The following ASCC1 variants were observed in gnomAD, a reference collection of about 807,000 sequenced individuals.
The protein encoded by ASCC1 is activating signal cointegrator 1 complex subunit 1, also known as ASC-1 complex subunit P50.
A neutral mutation model predicts 46.6 loss-of-function variants in ASCC1; 35 were observed. That is an observed-to-expected ratio of 0.75 (90% CI 0.57 to 0.99). The LOEUF is 0.99. Among genes scored for constraint, ASCC1 ranks in the 50% least tolerant of loss-of-function variants. ASCC1 has a pLI of 0.00. For missense variants in ASCC1, 376 were observed against 428.7 expected, an observed-to-expected ratio of 0.88 and a Z score of 1.09; for synonymous variants, 143 against 146.6, an observed-to-expected ratio of 0.98 and a Z score of 0.18.
intron 3 of ASCC1, among the ~76,000 whole-genome samples, chr10:72,207,235 A>C (rs565940751): frequency 6.6e-6 from 1 of 152,164 alleles, no homozygotes; most frequent in Admixed American, 6.6e-5. Context: ...AACATGGCAA[A>C]ACCCCGTCTC....
At chr10:72,211,372 G>C (rs950401463) in intron 2 of ASCC1, among the ~76,000 whole-genome samples, 2 of 152,054 alleles carry the variant, frequency 1.3e-5, no homozygotes, top group African/African-American at 4.8e-5. Flanking sequence ...ACCAACTGCA[G>C]ATTGAAAATA....
At chr10:72,150,102 T>G (rs1848148816) in intron 7 of ASCC1, among the ~76,000 whole-genome samples, 1 of 152,016 alleles carries the variant, frequency 6.6e-6, no homozygotes, top group Non-Finnish European at 1.5e-5. Context: ...GGAGAATTGC[T>G]TGAACCTGGG....
At chr10:72,185,658 G>A (rs1011783543) in intron 5 of ASCC1, among the ~76,000 whole-genome samples, 11 of 152,158 alleles carry the variant, frequency 7.2e-5, no homozygotes, top group African/African-American at 2.7e-4. Flanking sequence ...TAGGAGGTGA[G>A]GGGATGGAGT....
chr10:72,204,961 C>T (rs1349794867), intron 3 of ASCC1, among the ~76,000 whole-genome samples: 1 of 152,162 alleles, frequency 6.6e-6, no homozygotes, highest in Non-Finnish European at 1.5e-5. Context: ...GGCTTCAGCA[C>T]CTTAGAAAGC....
chr10:72,169,087 A>G (rs1388094845), intron 5 of ASCC1, among the ~76,000 whole-genome samples: 2 of 152,268 alleles, frequency 1.3e-5, no homozygotes, highest in African/African-American at 4.8e-5. Flanking sequence ...GAATGGTTGC[A>G]AACTATGTAT....
chr10:72,216,821 C>T (rs773564558), upstream of ASCC1: 10 of 456,024 alleles, frequency 2.2e-5, 1 homozygote, highest in Non-Finnish European at 3.5e-5. Context: ...CCCAACTTAC[C>T]TGACAGGGCC....
Position 72,097,313 on chromosome 10 carries a change from T to C in ASCC1, c.*21A>G, listed in dbSNP as rs200875672. ...GCACCTGGTGAAGATGTTTAGTTTCTAGTGCTTTCCAAGATCCACCTCAGG... is the reference window on the plus strand; with the variant it reads ...GCACCTGGTGAAGATGTTTAGTTTCCAGTGCTTTCCAAGATCCACCTCAGG... On this transcript the variant is annotated 3_prime_UTR_variant, in exon 10 of 10. Coordinates refer to ENST00000672957, the MANE Select transcript of ASCC1 (RefSeq NM_001198800.3). 116 of 1,494,440 alleles carry C rather than the reference T, an allele frequency of 7.8e-5. No homozygotes were observed. The highest frequency in any genetic ancestry group is 1.0e-4 in the Admixed American group (6 of 59,778). The allele number at this position is 1,494,440 out of a possible 1,614,324, so 92.6% of individuals were successfully genotyped here. A position where few individuals can be genotyped will look rare whatever the true frequency, so the allele number is the denominator to read the frequency against.
At chr10:72,144,969 T>A (rs1447311814) in intron 7 of ASCC1, among the ~76,000 whole-genome samples, 19 of 152,234 alleles carry the variant, frequency 1.2e-4, no homozygotes, top group Non-Finnish European at 4.4e-5. Flanking sequence ...ACTGTGGTTA[T>A]CTCACAGTGG....
intron 3 of ASCC1, among the ~76,000 whole-genome samples, chr10:72,205,996 C>T (rs576881109): frequency 2.7e-5 from 4 of 150,738 alleles, no homozygotes; most frequent in Non-Finnish European, 5.9e-5. Flanking sequence ...GCCAGTTACT[C>T]GGGAGGCTGA....
chr10:72,101,158 C>T (rs1178528030), intron 9 of ASCC1, among the ~76,000 whole-genome samples: 1 of 152,180 alleles, frequency 6.6e-6, no homozygotes. Context: ...CTCCCAAGTG[C>T]TTACCATCTC....
chr10:72,168,558 A>G (rs1429806738), intron 5 of ASCC1, among the ~76,000 whole-genome samples: 2 of 152,252 alleles, frequency 1.3e-5, no homozygotes, highest in African/African-American at 4.8e-5. Context: ...AGTATTTACC[A>G]TCTGACCCAA....
At chr10:72,118,148 A>G (rs927944269) in intron 9 of ASCC1, among the ~76,000 whole-genome samples, 1 of 151,924 alleles carries the variant, frequency 6.6e-6, no homozygotes, top group East Asian at 1.9e-4. Flanking sequence ...CGGGCAGATC[A>G]CAAGGTCAGG....
intron 9 of ASCC1, among the ~76,000 whole-genome samples, chr10:72,121,517 T>TAAA (rs1021726905): frequency 7.9e-6 from 1 of 126,642 alleles, no homozygotes; most frequent in Non-Finnish European, 1.6e-5. Context: ...GATGGGTTCT[T>TAAA]AAAAAAAAAA....
chr10:72,149,724 T>C (rs761150312), intron 7 of ASCC1, among the ~76,000 whole-genome samples: 20 of 152,172 alleles, frequency 1.3e-4, no homozygotes, highest in African/African-American at 4.1e-4. Context: ...GTGAAGGCAT[T>C]TGGATACTTA....
chr10:72,193,305 A>G (rs764740639), intron 5 of ASCC1, among the ~76,000 whole-genome samples: 2 of 152,240 alleles, frequency 1.3e-5, no homozygotes, highest in Non-Finnish European at 2.9e-5. Context: ...ACCCAGAAAT[A>G]GTAAGGAACA....
chr10:72,134,635 T>C (rs1477864526), intron 7 of ASCC1, among the ~76,000 whole-genome samples: 1 of 152,168 alleles, frequency 6.6e-6, no homozygotes, highest in Non-Finnish European at 1.5e-5. Context: ...AATCTCTCAA[T>C]TACTTAGGAC....
intron 5 of ASCC1, among the ~76,000 whole-genome samples, chr10:72,183,044 C>CTTTT (rs1359356933): frequency 1.5e-5 from 2 of 135,388 alleles, no homozygotes; most frequent in Non-Finnish European, 3.2e-5. Context: ...CAAAAAATTT[C>CTTTT]TTTTTTTTTT....
At chr10:72,177,474 C>T (rs1190591982) in intron 5 of ASCC1, among the ~76,000 whole-genome samples, 1 of 152,134 alleles carries the variant, frequency 6.6e-6, no homozygotes, top group East Asian at 1.9e-4. Context: ...GGGATGCAGA[C>T]CCATTACCCA....
rs1245913878 is a variant in ASCC1 at position 72,213,317 on chromosome 10, T to C, written c.-19A>G. 6.6e-7 allele frequency: 1 copy of C among 1,522,742 alleles called. No homozygotes were observed. Among genetic ancestry groups the C allele is most frequent in the East Asian group, 2.3e-5 (1 of 44,360 alleles). The allele number at this position is 1,522,742 out of a possible 1,614,324, so 94.3% of individuals were successfully genotyped here. A position where few individuals can be genotyped will look rare whatever the true frequency, so the allele number is the denominator to read the frequency against. ...CTTCCATGACACTTTCTCCAAATGA[T>C]ATTCCAATTATGCCCTGAAAAATAT... On this transcript the variant is annotated 5_prime_UTR_variant, in exon 2 of 10. The change creates a new upstream start codon in the 5' untranslated region. Coordinates refer to ENST00000672957, the MANE Select transcript of ASCC1 (RefSeq NM_001198800.3).
Sources: gnomAD v4.1 joint callset for allele counts (sites outside exome capture counted in the v4.1 genomes callset) on GRCh38, gnomAD v4.1.1 for gene constraint, MANE v1.5 for transcripts, NCBI Gene and HGNC (gene_info 2026-07-23, HGNC 2026-07-21) for gene names.